The following MARCHF7 variants were observed in gnomAD, a reference collection of about 807,000 sequenced individuals.
MARCHF7 encodes E3 ubiquitin-protein ligase MARCHF7.
A neutral mutation model predicts 76.5 loss-of-function variants in MARCHF7; 20 were observed. That is an observed-to-expected ratio of 0.26 (90% CI 0.18 to 0.38). The LOEUF (loss-of-function observed/expected upper bound fraction) is 0.38, where lower values mean the gene tolerates loss of function less well. MARCHF7 is among the 10% of genes least tolerant of loss of function. MARCHF7 has a pLI of 1.00. For synonymous variants in MARCHF7, 295 were observed against 293.0 expected, an observed-to-expected ratio of 1.01 and a Z score of -0.07; for missense variants, 797 against 812.9, an observed-to-expected ratio of 0.98 and a Z score of 0.24.
At chr2:159,752,650 A>T in intron 8 of MARCHF7, 79 bp downstream of exon 8, 1 of 1,249,688 alleles carries the variant, frequency 8.0e-7, no homozygotes, top group Non-Finnish European at 1.1e-6. Flanking sequence ...AAATTTATAG[A>T]TTGTTGAATT....
At chr2:159,734,443 GAAAT>G (rs1703209770) in intron 4 of MARCHF7, among the ~76,000 whole-genome samples, 1 of 151,818 alleles carries the variant, frequency 6.6e-6, no homozygotes, top group Non-Finnish European at 1.5e-5. Context: ...AGTTTTCAAG[GAAAT>G]AAATACATAG....
At chr2:159,727,215 G>A (rs914287050) in intron 3 of MARCHF7, among the ~76,000 whole-genome samples, 8 of 152,270 alleles carry the variant, frequency 5.3e-5, no homozygotes, top group East Asian at 1.9e-4. Flanking sequence ...TGCCAATCAC[G>A]AAAAGACAAA....
At chr2:159,760,456 T>C (rs1471533498) in intron 9 of MARCHF7, among the ~76,000 whole-genome samples, 1 of 152,216 alleles carries the variant, frequency 6.6e-6, no homozygotes, top group Non-Finnish European at 1.5e-5. Flanking sequence ...TTTTATTCTC[T>C]GATGCACTAG....
Position 159,761,406 on chromosome 2 carries a change from C to T in MARCHF7, c.1894-1474C>T, listed in dbSNP as rs1368011511. Among the ~76,000 whole-genome samples, 386 of 73,686 alleles carry T rather than the reference C, an allele frequency of 5.2e-3. 2 individuals are homozygous for T. The highest frequency in any genetic ancestry group is 6.5e-3 in the Admixed American group (26 of 3,994). The allele number at this position is 73,686 out of a possible 152,430, so 48.3% of individuals were successfully genotyped here. On this transcript the variant is annotated intron_variant, in intron 9 of 11. Coordinates refer to ENST00000409175, the MANE Select transcript of MARCHF7 (RefSeq NM_001282805.2). Reference sequence around the variant, plus strand: ...ACAATAATTATTAAGTGAATCATTTCTTTTTTTTTTTTTTTTTTTTTTTTT... The same window carrying T: ...ACAATAATTATTAAGTGAATCATTTTTTTTTTTTTTTTTTTTTTTTTTTTT...
At chr2:159,754,698 G>A (rs1338292621) in intron 8 of MARCHF7, among the ~76,000 whole-genome samples, 1 of 152,198 alleles carries the variant, frequency 6.6e-6, no homozygotes, top group African/African-American at 2.4e-5. Context: ...CACAAGTTGA[G>A]TGGTTGTCCT....
chr2:159,737,979 G>A (rs955428586), intron 4 of MARCHF7, among the ~76,000 whole-genome samples: 1 of 152,204 alleles, frequency 6.6e-6, no homozygotes, highest in Admixed American at 6.5e-5. Context: ...GGTGTGTTCT[G>A]CCTACTCGGA....
chr2:159,761,777 A>AT (rs1491353715), intron 9 of MARCHF7, among the ~76,000 whole-genome samples: 1 of 152,184 alleles, frequency 6.6e-6, no homozygotes, highest in Non-Finnish European at 1.5e-5. Context: ...TACTAAGAAC[A>AT]TAGAGTTCTT....
At chr2:159,761,099 CACG>C (rs1007501216) in intron 9 of MARCHF7, among the ~76,000 whole-genome samples, 1 of 149,078 alleles carries the variant, frequency 6.7e-6, no homozygotes, top group Non-Finnish European at 1.5e-5. Context: ...AATCTCAGCT[CACG>C]ACAACCTCTG....
intron 3 of MARCHF7, among the ~76,000 whole-genome samples, chr2:159,722,577 A>G (rs187898349): frequency 1.6e-4 from 25 of 152,340 alleles, no homozygotes; most frequent in African/African-American, 5.5e-4. Flanking sequence ...CTTGTTAAGT[A>G]TTAATTACTG....
intron 3 of MARCHF7, among the ~76,000 whole-genome samples, chr2:159,727,883 G>A (rs1035562731): frequency 6.6e-6 from 1 of 152,172 alleles, no homozygotes; most frequent in Non-Finnish European, 1.5e-5. Context: ...TACTTTCGTC[G>A]TGGGTTTAGA....
chr2:159,719,060 C>T (rs1183653929), intron 3 of MARCHF7, among the ~76,000 whole-genome samples: 1 of 152,146 alleles, frequency 6.6e-6, no homozygotes, highest in Non-Finnish European at 1.5e-5. Context: ...CCACAACCTT[C>T]ACCTCCCCAG....
At chr2:159,732,536 A>G (rs1702939729) in intron 4 of MARCHF7, among the ~76,000 whole-genome samples, 1 of 152,170 alleles carries the variant, frequency 6.6e-6, no homozygotes, top group South Asian at 2.1e-4. Flanking sequence ...TTTAAGAGAC[A>G]GGGTCCTGCT....
intron 3 of MARCHF7, among the ~76,000 whole-genome samples, chr2:159,719,507 G>C (rs1269122771): frequency 6.6e-6 from 1 of 151,934 alleles, no homozygotes; most frequent in Non-Finnish European, 1.5e-5. Context: ...CTTGAAGTAT[G>C]TATTGAATCT....
intron 5 of MARCHF7, among the ~76,000 whole-genome samples, chr2:159,744,179 G>A (rs998466129): frequency 6.6e-6 from 1 of 151,456 alleles, no homozygotes; most frequent in African/African-American, 2.4e-5. Flanking sequence ...AGTAGAGACG[G>A]GGTTTCACCG....
chr2:159,724,269 C>T (rs980973158), intron 3 of MARCHF7, among the ~76,000 whole-genome samples: 3 of 152,122 alleles, frequency 2.0e-5, no homozygotes, highest in Non-Finnish European at 2.9e-5. Context: ...GTATGTGACC[C>T]ATTTTTTCCA....
chr2:159,718,602 G>A (rs776522207), intron 3 of MARCHF7, among the ~76,000 whole-genome samples: 1 of 152,114 alleles, frequency 6.6e-6, no homozygotes, highest in South Asian at 2.1e-4. Context: ...TTTGGACATT[G>A]TACTGCTTTT....
intron 4 of MARCHF7, chr2:159,733,482 C>T: frequency 6.2e-6 from 6 of 962,074 alleles, no homozygotes; most frequent in Non-Finnish European, 7.4e-6. Flanking sequence ...AAGCAGTCTT[C>T]CTGCCTCACC....
rs994238748 is a variant in MARCHF7 at position 159,733,227 on chromosome 2, A to T, written c.153+4052A>T. 1.0e-5 allele frequency: 9 copies of T among 872,378 alleles called. No homozygotes were observed. The East Asian group carries it at 1.1e-3, about 105-fold the overall frequency. 54.0% of individuals were successfully genotyped at this position (872,378 alleles called of 1,614,324 possible). On this transcript the variant is annotated intron_variant, in intron 4 of 11. Transcript: ENST00000409175. ...AGCATTGTTAAGATTACTCAGTGTCAAAGGGAGCATTTTAAAATTATTTAG... is the reference window on the plus strand; with the variant it reads ...AGCATTGTTAAGATTACTCAGTGTCTAAGGGAGCATTTTAAAATTATTTAG...
At position 159,745,649 on chromosome 2, in the gene MARCHF7, C is replaced by G. The variant is rs1574353883; in HGVS notation, c.347-121C>G. 6 of 647,662 alleles carry G rather than the reference C, an allele frequency of 9.3e-6. No individual in the cohort carries two copies. The East Asian group carries it at 1.6e-4, about 18-fold the overall frequency. The allele number at this position is 647,662 out of a possible 1,614,324, so 40.1% of individuals were successfully genotyped here. ...CCAGCCTGGGTGACAGAGTGAGACT[C>G]CGTCTCAAATAATAATAATAATAAT... On this transcript the variant is annotated intron_variant, in intron 5 of 11. Coordinates refer to ENST00000409175, the MANE Select transcript of MARCHF7 (RefSeq NM_001282805.2).
Sources: allele counts gnomAD v4.1 joint callset (sites outside exome capture counted in the v4.1 genomes callset), GRCh38; gene constraint gnomAD v4.1.1; transcripts MANE v1.5; gene names NCBI Gene and HGNC (gene_info 2026-07-23, HGNC 2026-07-21).